Variants in FABP12 observed in about 807,000 individuals in gnomAD.
FABP12 encodes fatty acid binding protein 12.
FABP12 carries 19 observed loss-of-function variants against 13.7 expected under a neutral mutation model. That is an observed-to-expected ratio of 1.39 (90% CI 0.97 to 2.04). FABP12 has a LOEUF of 2.04. Among genes scored for constraint, FABP12 ranks in the 30% most tolerant of loss-of-function variants. The pLI is 0.00. For synonymous variants in FABP12, 61 were observed against 57.0 expected, an observed-to-expected ratio of 1.07 and a Z score of -0.32; for missense variants, 182 against 164.2, an observed-to-expected ratio of 1.11 and a Z score of -0.59.
chr8:81,537,441 C>A (rs1563545575), upstream of FABP12, among the ~76,000 whole-genome samples: 1 of 152,004 alleles, frequency 6.6e-6, no homozygotes, highest in Admixed American at 6.6e-5. Context: ...CAATATTAAG[C>A]CTTCAAGTTT....
intron 1 of FABP12, among the ~76,000 whole-genome samples, chr8:81,567,657 C>G (rs1235527719): frequency 1.3e-5 from 2 of 152,054 alleles, no homozygotes; most frequent in African/African-American, 4.8e-5. Context: ...AAATTCAAAT[C>G]AAAATGGATT....
chr8:81,533,630 C>T (rs1311817461), intron 1 of FABP12, among the ~76,000 whole-genome samples, 172 bp downstream of exon 1: 1 of 152,194 alleles, frequency 6.6e-6, no homozygotes, highest in Non-Finnish European at 1.5e-5. Flanking sequence ...CCATTTTTAA[C>T]TTGCCTCCAC....
chr8:81,537,574 G>A (rs562728803), upstream of FABP12, among the ~76,000 whole-genome samples: 1 of 152,278 alleles, frequency 6.6e-6, no homozygotes, highest in East Asian at 1.9e-4. Context: ...AAGTGCTGTG[G>A]CAAACAAAAA....
chr8:81,525,562 T>C (rs1808878803), intron 4 of FABP12, among the ~76,000 whole-genome samples: 2 of 151,648 alleles, frequency 1.3e-5, no homozygotes. Flanking sequence ...AGATGATAGA[T>C]AGATAGATAG....
intron 1 of FABP12, among the ~76,000 whole-genome samples, chr8:81,550,014 G>A (rs956806586): frequency 1.3e-5 from 2 of 152,162 alleles, no homozygotes; most frequent in African/African-American, 2.4e-5. Context: ...GGAGTTAAGC[G>A]AATTTTCTCT....
chr8:81,525,552 A>G (rs1355519996), intron 4 of FABP12, among the ~76,000 whole-genome samples: 1 of 147,908 alleles, frequency 6.8e-6, no homozygotes, highest in Non-Finnish European at 1.5e-5. Flanking sequence ...ATAGATAGAT[A>G]GATGATAGAT....
upstream of FABP12, among the ~76,000 whole-genome samples, chr8:81,536,855 G>A (rs1349343013): frequency 6.6e-6 from 1 of 152,218 alleles, no homozygotes; most frequent in South Asian, 2.1e-4. Flanking sequence ...TATTGTCTAT[G>A]GTTGCTTTTG....
chr8:81,542,856 A>G (rs1809373020), intron 1 of FABP12, among the ~76,000 whole-genome samples: 1 of 152,198 alleles, frequency 6.6e-6, no homozygotes, highest in South Asian at 2.1e-4. Flanking sequence ...CTTTCACAAC[A>G]TCAGTGATTA....
intron 1 of FABP12, among the ~76,000 whole-genome samples, chr8:81,547,643 C>T (rs921108159): frequency 7.9e-5 from 12 of 152,156 alleles, no homozygotes; most frequent in African/African-American, 1.7e-4. Context: ...GACATTATCA[C>T]GTTTTAGTCC....
upstream of FABP12, among the ~76,000 whole-genome samples, chr8:81,535,057 A>G (rs1255218973): frequency 6.6e-6 from 1 of 152,242 alleles, no homozygotes; most frequent in African/African-American, 2.4e-5. Flanking sequence ...ACTGAACACC[A>G]TGTACCTGAC....
At chr8:81,544,979 G>T (rs1809411932) in intron 1 of FABP12, among the ~76,000 whole-genome samples, 1 of 152,178 alleles carries the variant, frequency 6.6e-6, no homozygotes, top group African/African-American at 2.4e-5. Flanking sequence ...TGGCGTAGAG[G>T]CCAGGAAGTA....
At chr8:81,582,118 A>T (rs928856438) in intron 1 of FABP12, among the ~76,000 whole-genome samples, 157 of 96,806 alleles carry the variant, frequency 1.6e-3, no homozygotes, top group African/African-American at 5.7e-3. Flanking sequence ...GCTAACTGGA[A>T]TTTTTTTTTT....
chr8:81,529,321 A>T, intron 3 of FABP12, 117 bp downstream of exon 3: 1 of 1,007,634 alleles, frequency 9.9e-7, no homozygotes, highest in Non-Finnish European at 1.6e-6. Context: ...CCTATGTTTT[A>T]GACAAAAGTT....
At chr8:81,544,386 C>T (rs1184252173) in intron 1 of FABP12, among the ~76,000 whole-genome samples, 1 of 152,220 alleles carries the variant, frequency 6.6e-6, no homozygotes, top group East Asian at 1.9e-4. Flanking sequence ...CCAGGTTCCC[C>T]TGCTTGTGGC....
chr8:81,534,459 A>G (rs896967627), upstream of FABP12, among the ~76,000 whole-genome samples: 1 of 152,148 alleles, frequency 6.6e-6, no homozygotes, highest in Non-Finnish European at 1.5e-5. Flanking sequence ...GGACCCCTAA[A>G]AACTTTACTA....
chr8:81,561,856 A>T (rs1809728747), intron 1 of FABP12, among the ~76,000 whole-genome samples: 2 of 152,136 alleles, frequency 1.3e-5, no homozygotes, highest in African/African-American at 4.8e-5. Flanking sequence ...ATAAACTTAG[A>T]GGCCAGTCTA....
chr8:81,529,823 T>A (rs148784441), intron 2 of FABP12, among the ~76,000 whole-genome samples: 65 of 152,316 alleles, frequency 4.3e-4, no homozygotes, highest in African/African-American at 1.4e-3. Flanking sequence ...CATGTTAAAA[T>A]AGACTATCTT....
chr8:81,577,218 C>T (rs1274025561), intron 1 of FABP12, among the ~76,000 whole-genome samples: 1 of 152,162 alleles, frequency 6.6e-6, no homozygotes, highest in Non-Finnish European at 1.5e-5. Flanking sequence ...CTGTGGCACA[C>T]AGCACACCAA....
At chr8:81,572,275 A>G (rs968692689) in intron 1 of FABP12, among the ~76,000 whole-genome samples, 1 of 152,164 alleles carries the variant, frequency 6.6e-6, no homozygotes, top group Non-Finnish European at 1.5e-5. Context: ...GTCACTGCAA[A>G]TGCTGTTAAT....
Sources: allele counts gnomAD v4.1 joint callset (sites outside exome capture counted in the v4.1 genomes callset), GRCh38; gene constraint gnomAD v4.1.1; transcripts MANE v1.5; gene names NCBI Gene and HGNC (gene_info 2026-07-23, HGNC 2026-07-21).